Variants in CDK19 observed in about 807,000 individuals in gnomAD.
CDK19 encodes the protein cyclin dependent kinase 19.
In CDK19, 20 loss-of-function variants were observed where a neutral mutation model predicts 68.3. That is an observed-to-expected ratio of 0.29 (90% confidence interval 0.21 to 0.43). The LOEUF is 0.43. Among genes scored for constraint, CDK19 ranks in the 20% least tolerant of loss-of-function variants. The pLI is 1.00. For missense variants in CDK19, 339 were observed against 623.5 expected (o/e 0.54, Z 4.86); for synonymous variants, 221 against 222.8 (o/e 0.99, Z 0.07).
chr6:110,713,067 C>T (rs1345970768), intron 2 of CDK19, among the ~76,000 whole-genome samples: 6 of 151,690 alleles, frequency 4.0e-5, no homozygotes, highest in Admixed American at 6.6e-5. Flanking sequence ...CGTGGTGGCG[C>T]GCGCCTGTAA....
chr6:110,740,130 A>T (rs1226768339), intron 2 of CDK19, among the ~76,000 whole-genome samples: 7 of 147,016 alleles, frequency 4.8e-5, no homozygotes, highest in Non-Finnish European at 9.0e-5. Flanking sequence ...CAAAAAAAAA[A>T]TGATTACTTT....
intron 2 of CDK19, among the ~76,000 whole-genome samples, chr6:110,707,957 G>A (rs1019297885): frequency 1.3e-5 from 2 of 152,118 alleles, no homozygotes; most frequent in African/African-American, 4.8e-5. Context: ...GGGCGACACG[G>A]TGAGACTATG....
intron 1 of CDK19, among the ~76,000 whole-genome samples, chr6:110,768,562 G>A (rs1779748898): frequency 6.6e-6 from 1 of 152,256 alleles, no homozygotes; most frequent in South Asian, 2.1e-4. Flanking sequence ...AAAAAGAAAT[G>A]AGCTATCAAG....
intron 1 of CDK19, among the ~76,000 whole-genome samples, chr6:110,793,862 G>A (rs541934319): frequency 6.6e-6 from 1 of 152,204 alleles, no homozygotes; most frequent in Non-Finnish European, 1.5e-5. Flanking sequence ...CAGAGGAAAG[G>A]AGGTGAATAC....
chr6:110,645,518 G>C (rs182477777), intron 4 of CDK19, among the ~76,000 whole-genome samples: 1 of 152,270 alleles, frequency 6.6e-6, no homozygotes, highest in East Asian at 1.9e-4. Context: ...AAGAGAAAAG[G>C]TCAACAGAAT....
At chr6:110,687,064 A>G (rs1772551587) in intron 2 of CDK19, among the ~76,000 whole-genome samples, 1 of 152,146 alleles carries the variant, frequency 6.6e-6, no homozygotes, top group Admixed American at 6.5e-5. Context: ...TAAAAATAAA[A>G]TATATAGTTT....
chr6:110,770,420 C>G (rs1283448528), intron 1 of CDK19, among the ~76,000 whole-genome samples: 1 of 152,116 alleles, frequency 6.6e-6, no homozygotes, highest in Non-Finnish European at 1.5e-5. Flanking sequence ...AAGCAGAAAC[C>G]CCTGATAAAA....
rs1562127042 is a variant in CDK19, at chr6:110,621,419, G to A, written c.1111-49C>T. On this transcript the variant is annotated intron_variant, in intron 11 of 12. Coordinates refer to ENST00000368911, the MANE Select transcript of CDK19 (RefSeq NM_015076.5). This position sits in a 1 kb window ranked among gnomAD's most constrained non-coding sequence, Gnocchi z 5.4. ...TTGGTATGAAACCAAATTAACAGGA[G>A]CTTTCTTTAATTATTTGATATGCAC... The A allele has an allele frequency of 6.6e-7, 1 of 1,511,712 alleles. No individual in the cohort carries two copies. The highest frequency in any genetic ancestry group is 1.3e-5 in the South Asian group (1 of 74,738). The allele number at this position is 1,511,712 out of a possible 1,614,324, so 93.6% of individuals were successfully genotyped here.
At chr6:110,663,596 A>G (rs565828603) in intron 4 of CDK19, among the ~76,000 whole-genome samples, 24 of 152,310 alleles carry the variant, frequency 1.6e-4, no homozygotes, top group African/African-American at 5.5e-4. Context: ...CAGTGGCACA[A>G]TCGTGGCTCA....
rs1773680766 is a variant in CDK19 at position 110,698,444 on chromosome 6, A to G, written c.205-27903T>C. Among the ~76,000 whole-genome samples the G allele has an allele frequency of 2.0e-5, 3 of 152,346 alleles. No individual in the cohort carries two copies. In the South Asian group the frequency reaches 6.2e-4, roughly 32 times the overall value. On this transcript the variant is annotated intron_variant, in intron 2 of 12. Coordinates refer to ENST00000368911, the MANE Select transcript of CDK19 (RefSeq NM_015076.5). ...CTAATCATCAGGGAAATGAAAATGAAGACCACAATGAGATACCACCTTACT... is the reference window on the plus strand; with the variant it reads ...CTAATCATCAGGGAAATGAAAATGAGGACCACAATGAGATACCACCTTACT...
intron 4 of CDK19, among the ~76,000 whole-genome samples, chr6:110,653,520 A>C (rs1781108578): frequency 1.3e-5 from 2 of 152,238 alleles, no homozygotes; most frequent in African/African-American, 4.8e-5. Flanking sequence ...GTGAACACAA[A>C]ATGCCAGCTG....
intron 2 of CDK19, among the ~76,000 whole-genome samples, chr6:110,704,893 G>C (rs745991098): frequency 3.7e-4 from 56 of 152,188 alleles, no homozygotes; most frequent in Non-Finnish European, 6.8e-4. Context: ...GGAGGGGTTA[G>C]ATAAAAAGAG....
At position 110,804,338 on chromosome 6, in the gene CDK19, A is replaced by AT. The variant is rs1404495967; in HGVS notation, c.128+10670dup. 3.3e-5 allele frequency among the ~76,000 whole-genome samples: 5 copies of AT among 151,754 alleles called. No individual in the cohort carries two copies. In the East Asian group the frequency reaches 7.8e-4, roughly 24 times the overall value. ...AGACATATTATAGTTCAAGTTAAAG[A>AT]TTCTTTTTTCTTTTTTATTTTTGAG... On this transcript the variant is annotated intron_variant, in intron 1 of 12. Transcript: ENST00000368911.
At chr6:110,654,615 A>G (rs1161782355) in intron 4 of CDK19, among the ~76,000 whole-genome samples, 2 of 152,244 alleles carry the variant, frequency 1.3e-5, no homozygotes, top group Non-Finnish European at 2.9e-5. Flanking sequence ...GGGGTAAGGT[A>G]TAAGTGTCCT....
intron 1 of CDK19, among the ~76,000 whole-genome samples, chr6:110,796,484 T>C (rs147576856): frequency 0.015 from 2,245 of 150,370 alleles, 31 homozygotes; most frequent in Admixed American, 0.028. Context: ...GACACCCCCA[T>C]CTCTACAAAA....
chr6:110,713,431 CA>C (rs34863234), intron 2 of CDK19, among the ~76,000 whole-genome samples: 1,489 of 47,858 alleles, frequency 0.031, 15 homozygotes, highest in African/African-American at 0.097. Flanking sequence ...GACTCTGTCT[CA>C]AAAAAAAAAA....
intron 1 of CDK19, among the ~76,000 whole-genome samples, chr6:110,792,889 T>C (rs545992849): frequency 6.6e-6 from 1 of 152,334 alleles, no homozygotes; most frequent in South Asian, 2.1e-4. Flanking sequence ...AACTAATGCT[T>C]TGCTGGAGAC....
chr6:110,710,048 T>C (rs1232732319), intron 2 of CDK19, among the ~76,000 whole-genome samples: 2 of 152,192 alleles, frequency 1.3e-5, no homozygotes, highest in Non-Finnish European at 2.9e-5. Flanking sequence ...CAATAAAATA[T>C]ATACAGAATT....
chr6:110,788,334 T>A (rs972924324), intron 1 of CDK19, among the ~76,000 whole-genome samples: 3 of 152,010 alleles, frequency 2.0e-5, no homozygotes, highest in African/African-American at 7.3e-5. Context: ...GGCTAATTTT[T>A]TTTTTAAGAG....
Sources: allele counts gnomAD v4.1 joint callset (sites outside exome capture counted in the v4.1 genomes callset), GRCh38; gene constraint gnomAD v4.1.1; non-coding constraint Gnocchi (gnomAD v3.1); transcripts MANE v1.5; gene names NCBI Gene and HGNC (gene_info 2026-07-23, HGNC 2026-07-21).